The following PLS1 variants were observed in gnomAD, a reference collection of about 807,000 sequenced individuals.
The protein encoded by PLS1 is plastin-1.
A neutral mutation model predicts 73.7 loss-of-function variants in PLS1; 32 were observed. That is an observed-to-expected ratio of 0.43 (90% CI 0.33 to 0.58). The LOEUF is 0.58. PLS1 is among the 20% of genes least tolerant of loss of function. The pLI is 0.04. For missense variants in PLS1, 633 were observed against 740.5 expected (o/e 0.85, Z 1.68); for synonymous variants, 217 against 261.3 (o/e 0.83, Z 1.63).
intron 1 of PLS1, among the ~76,000 whole-genome samples, chr3:142,656,237 C>G (rs890957363): frequency 1.3e-5 from 2 of 152,212 alleles, no homozygotes; most frequent in African/African-American, 4.8e-5. Flanking sequence ...GCTGGGATTA[C>G]AGGCATGAGC....
At chr3:142,673,247 A>C (rs534171733) in intron 4 of PLS1, among the ~76,000 whole-genome samples, 1 of 152,046 alleles carries the variant, frequency 6.6e-6, no homozygotes, top group Non-Finnish European at 1.5e-5. Context: ...GGGTTTTGCT[A>C]TGTCACCCAG....
At chr3:142,710,322 A>G (rs1483908641) in intron 14 of PLS1, among the ~76,000 whole-genome samples, 2 of 152,128 alleles carry the variant, frequency 1.3e-5, no homozygotes, top group Non-Finnish European at 1.5e-5. Flanking sequence ...CTGGCTTTCC[A>G]TAACATAGGC....
intron 1 of PLS1, among the ~76,000 whole-genome samples, chr3:142,649,153 T>C (rs982394491): frequency 6.6e-6 from 1 of 151,982 alleles, no homozygotes; most frequent in South Asian, 2.1e-4. Context: ...ACTACTCACT[T>C]TGTCAGCTTT....
At chr3:142,702,771 G>A (rs1372064303) in intron 12 of PLS1, among the ~76,000 whole-genome samples, 1 of 152,134 alleles carries the variant, frequency 6.6e-6, no homozygotes, top group East Asian at 1.9e-4. Flanking sequence ...TTATATCACT[G>A]GAAAGAAGTA....
At chr3:142,629,392 G>A (rs1239595482) in intron 1 of PLS1, among the ~76,000 whole-genome samples, 9 of 152,052 alleles carry the variant, frequency 5.9e-5, no homozygotes, top group Admixed American at 1.3e-4. Flanking sequence ...TAGTAGAGAC[G>A]GGGTTTCACC....
chr3:142,711,885 G>A lies in PLS1; in HGVS notation c.1768G>A (p.Val590Ile), dbSNP rs769320652. The A allele has an allele frequency of 1.2e-6, 2 of 1,613,720 alleles. No homozygotes were observed. Among genetic ancestry groups the A allele is most frequent in the Non-Finnish European group, 1.7e-6 (2 of 1,179,668 alleles). ...KLNNAKYAIS[V>I]ARKIGARIYA... Reference sequence around the variant, plus strand: ...TGTCTCTTCAAGATACGCCATTTCAGTTGCTCGAAAGATCGGTGCCCGGAT... The same window carrying A: ...TGTCTCTTCAAGATACGCCATTTCAATTGCTCGAAAGATCGGTGCCCGGAT... Residue 590 changes from valine (V) to isoleucine (I), a missense_variant, in exon 16 of 16, where the codon GTT becomes ATT. Coordinates refer to ENST00000457734, the MANE Select transcript of PLS1 (RefSeq NM_001145319.2).
At chr3:142,665,111 T>C (rs1236703544) in intron 2 of PLS1, among the ~76,000 whole-genome samples, 4 of 151,930 alleles carry the variant, frequency 2.6e-5, no homozygotes, top group Non-Finnish European at 2.9e-5. Flanking sequence ...TCTAGTGTAA[T>C]AGAGCCCTCC....
intron 1 of PLS1, among the ~76,000 whole-genome samples, chr3:142,621,955 C>T (rs2036323374): frequency 6.6e-6 from 1 of 152,180 alleles, no homozygotes; most frequent in South Asian, 2.1e-4. Flanking sequence ...GCCACCGCAT[C>T]CAACTTTCTA....
rs1309344064 is a variant in PLS1, at chr3:142,600,987, A to G, written c.-37+4478A>G. On this transcript the variant is annotated intron_variant, in intron 1 of 15. Transcript: ENST00000457734. ...GGCCCAGGCGGGAGTGCAGTGGCGC[A>G]ATCTCGGCTCACTGCAAGCTCCGCC... Among the ~76,000 whole-genome samples, 209 of 125,664 alleles carry G rather than the reference A, an allele frequency of 1.7e-3. 1 individual carries two copies. Among genetic ancestry groups the G allele is most frequent in the African/African-American group, 5.8e-3 (188 of 32,660 alleles). 82.4% of individuals were successfully genotyped at this position (125,664 alleles called of 152,430 possible).
chr3:142,680,627 A>C (rs2037831862), intron 6 of PLS1, among the ~76,000 whole-genome samples: 2 of 152,210 alleles, frequency 1.3e-5, no homozygotes, highest in South Asian at 4.1e-4. Flanking sequence ...TCCTCCATAC[A>C]GATCTTGTAT....
At chr3:142,664,445 C>CTGGA (rs1360028588) in intron 2 of PLS1, 138 bp downstream of exon 2, 3 of 511,670 alleles carry the variant, frequency 5.9e-6, no homozygotes, top group Non-Finnish European at 1.1e-5. Flanking sequence ...CTAGGTTTCA[C>CTGGA]TGGATTCTTT....
rs140620288 is a variant in PLS1 at position 142,691,902 on chromosome 3, C to T, written c.1177+2089C>T. The stretch of plus-strand genomic sequence containing the variant: ...CAAATTGAACCAGATATGTGGGCTA[C>T]GTACAGAAAGATCATCTCAGAATTC... On this transcript the variant is annotated intron_variant, in intron 10 of 15. Transcript: ENST00000457734. 2.2e-4 allele frequency among the ~76,000 whole-genome samples: 33 copies of T among 152,152 alleles called. 1 individual carries two copies. The highest frequency in any genetic ancestry group is 5.8e-4 in the African/African-American group (24 of 41,546).
intron 1 of PLS1, among the ~76,000 whole-genome samples, chr3:142,652,027 C>T (rs1035181746): frequency 1.3e-5 from 2 of 152,070 alleles, no homozygotes; most frequent in Middle Eastern, 3.4e-3. Flanking sequence ...ATTATGGACA[C>T]ATTAAGGAAG....
chr3:142,630,420 CAAA>C (rs71153980), intron 1 of PLS1, among the ~76,000 whole-genome samples: 40,377 of 110,618 alleles, frequency 0.37, 6,292 homozygotes, highest in African/African-American at 0.44. Context: ...GACCCTGCCT[CAAA>C]AAAAAAAAAA....
intron 12 of PLS1, among the ~76,000 whole-genome samples, chr3:142,700,067 A>G (rs1356045558): frequency 6.6e-6 from 1 of 152,206 alleles, no homozygotes; most frequent in Non-Finnish European, 1.5e-5. Flanking sequence ...GTGAACTACA[A>G]ATAAATACAT....
intron 1 of PLS1, among the ~76,000 whole-genome samples, chr3:142,610,455 T>G (rs2036099910): frequency 1.3e-5 from 2 of 152,318 alleles, no homozygotes; most frequent in South Asian, 4.1e-4. Context: ...TATAGCAGCT[T>G]AAGACTTTGT....
At position 142,698,027 on chromosome 3, in the gene PLS1, A is replaced by G. The variant is rs771205923; in HGVS notation, c.1331A>G (p.Asn444Ser). 6.2e-7 allele frequency: 1 copy of G among 1,612,112 alleles called. No homozygotes were observed. The highest frequency in any genetic ancestry group is 8.5e-7 in the Non-Finnish European group (1 of 1,178,240). The change falls in exon 12 of 16, where the codon AAC becomes AGC. Residue 444 changes from asparagine to serine, a missense_variant. Transcript: ENST00000457734. ...IRVPVNWSHV[N>S]KPPYPALGGN... ...GTGCCAGTCAACTGGAGCCATGTCA[A>G]CAAACCTCCTTATCCTGCCCTTGGA...
intron 1 of PLS1, among the ~76,000 whole-genome samples, chr3:142,659,765 T>C (rs1185820388): frequency 6.6e-6 from 1 of 151,892 alleles, no homozygotes; most frequent in African/African-American, 2.4e-5. Context: ...GGCGTGATCT[T>C]GGCTCACTGT....
chr3:142,634,166 TAGC>T (rs1363394385), intron 1 of PLS1, among the ~76,000 whole-genome samples: 1 of 152,164 alleles, frequency 6.6e-6, no homozygotes, highest in Non-Finnish European at 1.5e-5. Context: ...ATACTTAAAA[TAGC>T]AGTAATTTGC....
Sources: gnomAD v4.1 joint callset for allele counts (sites outside exome capture counted in the v4.1 genomes callset) on GRCh38, gnomAD v4.1.1 for gene constraint, MANE v1.5 for transcripts, NCBI Gene and HGNC (gene_info 2026-07-23, HGNC 2026-07-21) for gene names.